Variants in DST observed in about 807,000 individuals in gnomAD.
DST encodes dystonin, also known as bullous pemphigoid antigen.
DST carries 253 observed loss-of-function variants against 875.2 expected under a neutral mutation model. The observed-to-expected ratio is 0.29, with a 90% confidence interval of 0.26 to 0.32. The LOEUF is 0.32. DST is among the 10% of genes least tolerant of loss of function. The pLI is 1.00. For synonymous variants in DST, 3,124 were observed against 3,197.1 expected (o/e 0.98, Z 0.77); for missense variants, 8,287 against 9,111.6 (o/e 0.91, Z 3.68).
chr6:56,606,036 G>A lies in DST; in HGVS notation c.8592C>T (p.His2864=). Residue 2864 remains histidine (H), a synonymous_variant, in exon 40 of 104, where the codon CAC becomes CAT. Transcript: ENST00000680361. ...GCTGTTTTTCTAAAGAGCTACAACT[G>A]TGCATTTTATCCAGAAGAATCATTG... ...INTMILLDKM[H]SCSSLEKQQR... is the part of the protein sequence containing the mutation. 1 of 1,612,780 alleles carries A rather than the reference G, an allele frequency of 6.2e-7. No individual in the cohort carries two copies. Among genetic ancestry groups the A allele is most frequent in the Non-Finnish European group, 8.5e-7 (1 of 1,179,144 alleles).
rs767077133 is a variant in DST at position 56,555,398 on chromosome 6, C to A, written c.15083G>T (p.Ser5028Ile). 1 of 1,611,296 alleles carries A rather than the reference C, an allele frequency of 6.2e-7. No homozygotes were observed. Among genetic ancestry groups the A allele is most frequent in the Non-Finnish European group, 8.5e-7 (1 of 1,178,264 alleles). The change falls in exon 60 of 104, where the codon AGT becomes ATT. Residue 5028 changes from serine (S) to isoleucine (I), a missense_variant. Ser to Ile is a moderately radical substitution (Grantham distance 142). Transcript: ENST00000680361. ...VKEEYLKAEL[S>I]RQLEGILKSF... ...TTTTAAGATGCCTTCTAGTTGCCTA[C>A]TAAGTTCTGCTTTCAAGTACTCTTC...
intron 38 of DST, among the ~76,000 whole-genome samples, chr6:56,611,288 G>A (rs1247664538): frequency 3.3e-5 from 5 of 152,016 alleles, no homozygotes; most frequent in East Asian, 1.9e-4. Flanking sequence ...TTTCCTTATC[G>A]GTAATACATG....
intron 4 of DST, among the ~76,000 whole-genome samples, chr6:56,818,631 C>T (rs7771085): frequency 0.17 from 25,265 of 152,050 alleles, 2,361 homozygotes; most frequent in African/African-American, 0.19. Flanking sequence ...GTATAAGACA[C>T]ACTGCATTGT....
chr6:56,593,621 T>C (rs1431052693), intron 48 of DST, 42 bp downstream of exon 48: 3 of 1,436,218 alleles, frequency 2.1e-6, no homozygotes, highest in Non-Finnish European at 9.2e-7. Context: ...AAAACTATAA[T>C]TGCAGATTGA....
At position 56,459,108 on chromosome 6, in the gene DST, G is replaced by A. The variant is rs780600756; in HGVS notation, c.23354C>T (p.Thr7785Ile). ...GGATGGCCGAGAACCTGCTCGGGGT[G>A]TAGGTCTGTGTGTCTGGGGGACAGT... ...VETVPQTHRP[T>I]PRAGSRPSTA... The change falls in exon 104 of 104, where the codon ACA becomes ATA. Residue 7785 changes from threonine (T) to isoleucine (I), a missense_variant. Thr to Ile is a moderately conservative substitution (Grantham distance 89). Around this residue, in one of 10 missense-constraint regions of DST, gnomAD observed 240 missense variants for 237.3 expected, o/e 1.01. Transcript: ENST00000680361. 54 of 1,613,912 alleles carry A rather than the reference G, an allele frequency of 3.3e-5. No homozygotes were observed. Among genetic ancestry groups the A allele is most frequent in the South Asian group, 3.2e-4 (29 of 91,086 alleles).
At chr6:56,745,936 C>T (rs958417945) in intron 4 of DST, among the ~76,000 whole-genome samples, 10 of 152,124 alleles carry the variant, frequency 6.6e-5, no homozygotes, top group African/African-American at 2.4e-4. Flanking sequence ...AATAGGTAGT[C>T]CCAAGCTACC....
intron 4 of DST, among the ~76,000 whole-genome samples, chr6:56,819,777 C>T (rs1201067373): frequency 6.6e-6 from 1 of 152,152 alleles, no homozygotes; most frequent in Non-Finnish European, 1.5e-5. Flanking sequence ...GGACACTGTC[C>T]TTGCCTTCAA....
chr6:56,700,580 CAAATATTTT>C (rs2099296032), intron 8 of DST, among the ~76,000 whole-genome samples: 1 of 152,028 alleles, frequency 6.6e-6, no homozygotes. Context: ...GAAGGCTGTT[CAAATATTTT>C]AAAATAATAT....
chr6:56,867,570 C>T (rs941753933), intron 3 of DST, among the ~76,000 whole-genome samples: 4 of 152,246 alleles, frequency 2.6e-5, no homozygotes, highest in African/African-American at 4.8e-5. Flanking sequence ...GCCTGTAATC[C>T]CAGCACTTTG....
chr6:56,487,620 T>C (rs770290849), intron 86 of DST, among the ~76,000 whole-genome samples: 1 of 152,184 alleles, frequency 6.6e-6, no homozygotes, highest in Non-Finnish European at 1.5e-5. Context: ...TTTATGGGGA[T>C]AAAAACCCAT....
intron 4 of DST, among the ~76,000 whole-genome samples, chr6:56,764,068 CA>C (rs1415471801): frequency 6.7e-6 from 1 of 148,878 alleles, no homozygotes; most frequent in East Asian, 2.1e-4. Context: ...CCCTTCCTCA[CA>C]GTCAAAACCT....
Position 56,606,742 on chromosome 6 carries a change from T to C in DST, c.7886A>G (p.Asp2629Gly). 6.2e-7 allele frequency: 1 copy of C among 1,613,464 alleles called. No individual in the cohort carries two copies. The highest frequency in any genetic ancestry group is 8.5e-7 in the Non-Finnish European group (1 of 1,179,634). The change falls in exon 40 of 104, where the codon GAT becomes GGT. Residue 2629 changes from aspartate (D) to glycine (G), a missense_variant. Transcript: ENST00000680361. ...GTGCAGGCAATCACGATCATCACCA[T>C]CAAGAAGCAAAGAATCATGGTCATC... Reference protein sequence around the residue: ...EDDDHDSLLLDGDDRDCLHPE... With the variant: ...EDDDHDSLLLGGDDRDCLHPE...
chr6:56,582,715 A>C (rs1432901487), intron 49 of DST, among the ~76,000 whole-genome samples: 1 of 151,728 alleles, frequency 6.6e-6, no homozygotes, highest in Non-Finnish European at 1.5e-5. Context: ...ATTTAGCATT[A>C]GGTATATCTC....
chr6:56,511,082 G>T, intron 73 of DST, 115 bp downstream of exon 73: 1 of 895,768 alleles, frequency 1.1e-6, no homozygotes, highest in Non-Finnish European at 1.7e-6. Flanking sequence ...CAATACTCAA[G>T]AGTGAATGTG....
At chr6:56,899,398 G>A (rs1429880930) in intron 3 of DST, among the ~76,000 whole-genome samples, 2 of 151,932 alleles carry the variant, frequency 1.3e-5, no homozygotes, top group East Asian at 3.9e-4. Flanking sequence ...TTTCTGTAAA[G>A]GAATTTAACT....
At chr6:56,603,096 C>G in intron 42 of DST, 65 bp from the exon 43 acceptor site, 1 of 1,538,374 alleles carries the variant, frequency 6.5e-7, no homozygotes, top group Non-Finnish European at 8.7e-7. Context: ...CAAATAATGA[C>G]TGTGGTTTAA....
intron 4 of DST, among the ~76,000 whole-genome samples, chr6:56,817,544 C>G (rs554376625): frequency 6.6e-6 from 1 of 152,210 alleles, no homozygotes; most frequent in African/African-American, 2.4e-5. Flanking sequence ...AACTCTATGG[C>G]AAAATATCAA....
Position 56,880,968 on chromosome 6 carries a change from C to G in DST, c.417+19453G>C, listed in dbSNP as rs374674320. Among the ~76,000 whole-genome samples, 13 of 148,146 alleles carry G rather than the reference C, an allele frequency of 8.8e-5. No homozygotes were observed. The East Asian group carries it at 1.5e-3, about 18-fold the overall frequency. On this transcript the variant is annotated intron_variant, in intron 3 of 103. Transcript: ENST00000680361. ...GTTCATGCCATTCTCCTGGCTTAGC[C>G]TCCCGAGTAGCTGGGACTACAGTCG...
intron 89 of DST, 99 bp from the exon 90 acceptor site, chr6:56,482,277 A>G: frequency 3.0e-6 from 4 of 1,349,060 alleles, no homozygotes; most frequent in Non-Finnish European, 3.9e-6. Flanking sequence ...CTTCAATGAA[A>G]AAAAAAAAGT....
Sources: gnomAD v4.1 joint callset for allele counts (sites outside exome capture counted in the v4.1 genomes callset) on GRCh38, gnomAD v4.1.1 for gene constraint, gnomAD v4.1.1 regional missense constraint, MANE v1.5 for transcripts, NCBI Gene and HGNC (gene_info 2026-07-23, HGNC 2026-07-21) for gene names.